Variants in MYO16 observed in about 807,000 individuals in gnomAD.
MYO16 encodes myosin XVI.
MYO16 carries 94 observed loss-of-function variants against 205.3 expected under a neutral mutation model. That is an observed-to-expected ratio of 0.46 (90% CI 0.39 to 0.54). The LOEUF is 0.54. Ranked by LOEUF, MYO16 falls within the 20% of genes least tolerant of loss-of-function variation. The pLI is 0.00. For synonymous variants in MYO16, 988 were observed against 954.0 expected, an observed-to-expected ratio of 1.04 and a Z score of -0.66; for missense variants, 2,315 against 2,387.5, an observed-to-expected ratio of 0.97 and a Z score of 0.63.
chr13:108,605,734 T>C (rs1227497499), intron 1 of MYO16, among the ~76,000 whole-genome samples: 2 of 152,308 alleles, frequency 1.3e-5, no homozygotes, highest in African/African-American at 4.8e-5. Flanking sequence ...TATTTCTTCA[T>C]TGTATCATGA....
intron 34 of MYO16, among the ~76,000 whole-genome samples, chr13:109,196,935 G>A (rs1226747909): frequency 1.3e-5 from 2 of 152,212 alleles, no homozygotes; most frequent in African/African-American, 4.8e-5. Context: ...ACATTAAACT[G>A]TCAGAGAGCC....
chr13:108,581,893 G>GAAAAAAAAAAAA, the MYO16 span, among the ~76,000 whole-genome samples: 3 of 122,090 alleles, frequency 2.5e-5, no homozygotes, highest in South Asian at 2.7e-4. Context: ...AAAAAAAAAA[G>GAAAAAAAAAAAA]AAAAAAAAAA....
intron 27 of MYO16, among the ~76,000 whole-genome samples, chr13:109,076,657 A>G (rs9521158): frequency 0.58 from 88,061 of 151,628 alleles, 25,742 homozygotes; most frequent in Admixed American, 0.62. Context: ...CCGCAAGAGT[A>G]GAACCTTCCT....
intron 20 of MYO16, among the ~76,000 whole-genome samples, chr13:108,988,543 T>C (rs1424876308): frequency 6.6e-6 from 1 of 152,070 alleles, no homozygotes; most frequent in East Asian, 1.9e-4. Flanking sequence ...CACTCTAAAT[T>C]ACCAATTAAT....
chr13:109,032,276 A>G (rs931690726), intron 23 of MYO16, among the ~76,000 whole-genome samples: 7 of 152,108 alleles, frequency 4.6e-5, no homozygotes, highest in African/African-American at 1.7e-4. Context: ...CCCTACCACC[A>G]TATCCTTCGC....
intron 5 of MYO16, among the ~76,000 whole-genome samples, chr13:108,791,585 T>C (rs1380024935): frequency 1.3e-5 from 2 of 152,168 alleles, no homozygotes; most frequent in South Asian, 2.1e-4. Flanking sequence ...CAAGTAGTCA[T>C]TGATACACAC....
intron 32 of MYO16, among the ~76,000 whole-genome samples, chr13:109,164,677 T>C (rs1382384996): frequency 6.6e-6 from 1 of 152,246 alleles, no homozygotes; most frequent in African/African-American, 2.4e-5. Flanking sequence ...TATGTTTGAA[T>C]GCAACAAATT....
the MYO16 span, among the ~76,000 whole-genome samples, chr13:108,572,733 C>A: frequency 6.6e-6 from 1 of 152,146 alleles, no homozygotes; most frequent in Admixed American, 6.5e-5. Context: ...AACTTGGTGA[C>A]CTCCACTTAA....
chr13:108,986,602 A>G (rs1211385892), intron 20 of MYO16, among the ~76,000 whole-genome samples: 1 of 148,330 alleles, frequency 6.7e-6, no homozygotes, highest in Non-Finnish European at 1.5e-5. Flanking sequence ...AGCCTGGGCA[A>G]CAAGAGCGAA....
intron 32 of MYO16, among the ~76,000 whole-genome samples, chr13:109,142,388 C>T (rs1183491254): frequency 6.6e-6 from 1 of 152,126 alleles, no homozygotes; most frequent in African/African-American, 2.4e-5. Context: ...GCACTGGATC[C>T]CCCACTCGCC....
At chr13:108,928,536 G>A (rs777507548) in intron 16 of MYO16, among the ~76,000 whole-genome samples, 3 of 152,276 alleles carry the variant, frequency 2.0e-5, no homozygotes, top group Non-Finnish European at 2.9e-5. Flanking sequence ...GGATGTCAAC[G>A]TATAAGCAAA....
At chr13:108,769,278 C>G (rs192564616) in intron 4 of MYO16, among the ~76,000 whole-genome samples, 1 of 152,188 alleles carries the variant, frequency 6.6e-6, no homozygotes, top group East Asian at 1.9e-4. Context: ...TTGGTGGCAC[C>G]AGGATGGGCC....
chr13:108,778,868 T>G (rs1886211183), intron 4 of MYO16, among the ~76,000 whole-genome samples: 1 of 152,188 alleles, frequency 6.6e-6, no homozygotes, highest in African/African-American at 2.4e-5. Flanking sequence ...CTGGTTCTCC[T>G]ATTATGACTT....
intron 4 of MYO16, among the ~76,000 whole-genome samples, chr13:108,746,670 A>C (rs2139625223): frequency 6.6e-6 from 1 of 152,322 alleles, no homozygotes; most frequent in East Asian, 1.9e-4. Context: ...TATCAATTTA[A>C]AAAATAAAAT....
At chr13:108,905,542 A>G (rs996293196) in intron 15 of MYO16, among the ~76,000 whole-genome samples, 14 of 152,164 alleles carry the variant, frequency 9.2e-5, no homozygotes, top group African/African-American at 3.4e-4. Flanking sequence ...TGTTTATCCA[A>G]GGTAAATCTT....
intron 10 of MYO16, among the ~76,000 whole-genome samples, chr13:108,845,661 A>G (rs2139075916): frequency 6.6e-6 from 1 of 152,290 alleles, no homozygotes; most frequent in Non-Finnish European, 1.5e-5. Flanking sequence ...AGTTTGGAGA[A>G]ATACAATTAG....
the MYO16 span, among the ~76,000 whole-genome samples, chr13:108,580,425 A>T: frequency 6.6e-6 from 1 of 152,238 alleles, no homozygotes; most frequent in Non-Finnish European, 1.5e-5. Context: ...CTAGCTGGAC[A>T]GTTCTTTTAA....
chr13:108,502,757 A>G, the MYO16 span, among the ~76,000 whole-genome samples: 2 of 152,194 alleles, frequency 1.3e-5, no homozygotes, highest in Admixed American at 1.3e-4. Context: ...GCAGCTGAGT[A>G]ATATGTGGTT....
chr13:109,133,661 G>C (rs1242428573), intron 31 of MYO16, among the ~76,000 whole-genome samples: 1 of 152,186 alleles, frequency 6.6e-6, no homozygotes, highest in Non-Finnish European at 1.5e-5. Flanking sequence ...AAAGTATTCT[G>C]TGATCATGGA....
Sources: gnomAD v4.1 joint callset for allele counts (sites outside exome capture counted in the v4.1 genomes callset) on GRCh38, gnomAD v4.1.1 for gene constraint, MANE v1.5 for transcripts, NCBI Gene and HGNC (gene_info 2026-07-23, HGNC 2026-07-21) for gene names.